Variants in MAPK13 observed in about 807,000 individuals in gnomAD.
MAPK13 encodes mitogen-activated protein kinase 13.
Under a neutral mutation model 53.5 loss-of-function variants are expected in MAPK13, and 39 were observed. The observed-to-expected ratio is 0.73, with a 90% confidence interval of 0.56 to 0.95. The LOEUF (loss-of-function observed/expected upper bound fraction) is 0.95, where lower values mean the gene tolerates loss of function less well. Among genes scored for constraint, MAPK13 ranks in the 40% least tolerant of loss-of-function variants. MAPK13 has a pLI of 0.00. For missense variants in MAPK13, 460 were observed against 471.8 expected (o/e 0.98, Z 0.23); for synonymous variants, 179 against 190.9 (o/e 0.94, Z 0.51).
At chr6:36,131,229 CAGG>C (rs1467074575) in intron 1 of MAPK13, 39 bp from the exon 2 acceptor site, 9 of 1,594,622 alleles carry the variant, frequency 5.6e-6, no homozygotes, top group Non-Finnish European at 6.8e-6. Flanking sequence ...AGATACGGCC[CAGG>C]AGGAGAGCCT....
At position 36,141,897 on chromosome 6, in the gene MAPK13, A is replaced by C. The variant is rs1456311545; in HGVS notation, c.*2524A>C. ...CTCCCACAGAATGGCCCTGCTGTCA[A>C]GGAGCTGGGGAGTCCTTGACTGGGA... On this transcript the variant is annotated 3_prime_UTR_variant, in exon 12 of 12. Transcript: ENST00000211287. The C allele has an allele frequency of 6.6e-6, 1 of 152,200 alleles. No individual in the cohort carries two copies. The highest frequency in any genetic ancestry group is 1.5e-5 in the Non-Finnish European group (1 of 68,078). The allele number at this position is 152,200 out of a possible 1,614,324, so 9.4% of individuals were successfully genotyped here.
chr6:36,137,189 G>A (rs535575596), intron 8 of MAPK13, among the ~76,000 whole-genome samples: 1 of 152,034 alleles, frequency 6.6e-6, no homozygotes, highest in Non-Finnish European at 1.5e-5. Context: ...TGGCAACATA[G>A]GGAGACCCCA....
Position 36,138,407 on chromosome 6 carries a change from CT to C in MAPK13, c.726del (p.Gly243AlafsTer8). On this transcript the variant is annotated frameshift_variant, in exon 9 of 12. Coordinates refer to ENST00000211287, the MANE Select transcript of MAPK13 (RefSeq NM_002754.5). LOFTEE classifies it high-confidence loss of function. The stretch of plus-strand genomic sequence containing the variant: ...CAGATCCTGAAAGTGACCGGGGTGC[CT>C]GGCACGGAGTTTGTGCAGAAGCTGA... ...LTQILKVTGVPGTEFVQKLND... is the reference protein window; with the variant it reads ...LTQILKVTGVXGTEFVQKLND... The C allele has an allele frequency of 6.2e-7, 1 of 1,614,088 alleles. No individual in the cohort carries two copies. Among genetic ancestry groups the C allele is most frequent in the African/African-American group, 1.3e-5 (1 of 75,034 alleles).
At position 36,131,294 on chromosome 6, in the gene MAPK13, G is replaced by A. The variant is rs1420330282; in HGVS notation, c.143G>A (p.Gly48Glu). Reference protein sequence around the residue: ...SVCSAIDKRSGEKVAIKKLSR... With the variant: ...SVCSAIDKRSEEKVAIKKLSR... ...AGCTCGGCCATCGACAAGCGGTCAG[G>A]GGAGAAGGTGGCCATCAAGAAGCTG... Residue 48 changes from glycine to glutamate, a missense_variant, in exon 2 of 12, where the codon GGG (glycine) becomes GAG (glutamate). Gly to Glu is a moderately conservative substitution (Grantham distance 98). Transcript: ENST00000211287. 1.2e-6 allele frequency: 2 copies of A among 1,613,606 alleles called. No homozygotes were observed. The highest frequency in any genetic ancestry group is 1.7e-6 in the Non-Finnish European group (2 of 1,179,852).
At chr6:36,132,109 CCTT>C (rs1439536733) in intron 2 of MAPK13, among the ~76,000 whole-genome samples, 4 of 152,258 alleles carry the variant, frequency 2.6e-5, no homozygotes, top group Non-Finnish European at 4.4e-5. Context: ...TTAAGCCCAT[CCTT>C]CTCCAGCAAA....
chr6:36,138,299 G>C lies in MAPK13; in HGVS notation c.683-66G>C, dbSNP rs894636022. 33 of 1,213,302 alleles carry C rather than the reference G, an allele frequency of 2.7e-5. No individual in the cohort carries two copies. In the African/African-American group the frequency reaches 4.9e-4, roughly 18 times the overall value. The allele number at this position is 1,213,302 out of a possible 1,614,324, so 75.2% of individuals were successfully genotyped here. A position where few individuals can be genotyped will look rare whatever the true frequency, so the allele number is the denominator to read the frequency against. On this transcript the variant is annotated intron_variant, in intron 8 of 11. Coordinates refer to ENST00000211287, the MANE Select transcript of MAPK13 (RefSeq NM_002754.5). ...ATGGTGCCCGGGTGAAGTGATGGTGGGGTCGCAGGAAGGGCAGTCTCAGAC... is the reference window on the plus strand; with the variant it reads ...ATGGTGCCCGGGTGAAGTGATGGTGCGGTCGCAGGAAGGGCAGTCTCAGAC...
Position 36,131,709 on chromosome 6 carries a change from C to A in MAPK13, c.249+309C>A, listed in dbSNP as rs754880649. On this transcript the variant is annotated intron_variant, in intron 2 of 11. Coordinates refer to ENST00000211287, the MANE Select transcript of MAPK13 (RefSeq NM_002754.5). ...TCTGAGAGCTTGTGGCCAGCTGGGA[C>A]TAGAATCCTAGTTAGCGTTGTGTCC... 2.4e-4 allele frequency among the ~76,000 whole-genome samples: 37 copies of A among 152,332 alleles called. 1 individual carries two copies. The highest frequency in any genetic ancestry group is 6.8e-3 in the Middle Eastern group (2 of 294).
chr6:36,131,226 G>C, intron 1 of MAPK13, 45 bp from the exon 2 acceptor site: 1 of 1,592,208 alleles, frequency 6.3e-7, no homozygotes, highest in Non-Finnish European at 8.6e-7. Context: ...GGGAGATACG[G>C]CCCAGGAGGA....
rs1766540137 is a variant in MAPK13, at chr6:36,141,948, C to T, written c.*2575C>T. 6.6e-6 allele frequency: 1 copy of T among 152,330 alleles called. No homozygotes were observed. Among genetic ancestry groups the T allele is most frequent in the African/African-American group, 2.4e-5 (1 of 41,426 alleles). 9.4% of individuals were successfully genotyped at this position (152,330 alleles called of 1,614,324 possible). ...CTGGCTAGTCTTGCCACAGCCCTGGCCTCGCTGGTTACTAAAACTGCCCCA... is the reference window on the plus strand; with the variant it reads ...CTGGCTAGTCTTGCCACAGCCCTGGTCTCGCTGGTTACTAAAACTGCCCCA... On this transcript the variant is annotated 3_prime_UTR_variant, in exon 12 of 12. Transcript: ENST00000211287.
At chr6:36,132,571 G>A (rs1238070418) in intron 2 of MAPK13, 50 bp from the exon 3 acceptor site, 1 of 1,558,730 alleles carries the variant, frequency 6.4e-7, no homozygotes, top group South Asian at 1.1e-5. Context: ...GGAGGAGGTG[G>A]GAGGAGAAGG....
chr6:36,130,725 G>GGCGGGGT lies in MAPK13; in HGVS notation c.119+30_119+31insTGCGGGG. The GGCGGGGT allele has an allele frequency of 8.6e-7, 1 of 1,162,614 alleles. No individual in the cohort carries two copies. The highest frequency in any genetic ancestry group is 2.3e-5 in the Admixed American group (1 of 43,898). The allele number at this position is 1,162,614 out of a possible 1,614,324, so 72.0% of individuals were successfully genotyped here. ...TGGTGAGACCCCTGGGCCGCTGGGGGGCGGGGGGCGGGCGCCAGGCTCTCC... is the reference window on the plus strand; with the variant it reads ...TGGTGAGACCCCTGGGCCGCTGGGGGGCGGGGTGCGGGGGGCGGGCGCCAGGCTCTCC... On this transcript the variant is annotated intron_variant, in intron 1 of 11. Transcript: ENST00000211287. The surrounding 1 kb of genome is among the most constrained non-coding windows in gnomAD (Gnocchi z 4.5).
At chr6:36,132,539 C>A in intron 2 of MAPK13, 82 bp from the exon 3 acceptor site, 1 of 1,265,930 alleles carries the variant, frequency 7.9e-7, no homozygotes, top group Non-Finnish European at 1.2e-6. Flanking sequence ...GGGTGGATGG[C>A]CCTGTGCATG....
In MAPK13 at chr6:36,143,157, C is replaced by T. The variant is rs1328244729; in HGVS notation, c.*3784C>T. On this transcript the variant is annotated 3_prime_UTR_variant, in exon 12 of 12. Transcript: ENST00000211287. The stretch of plus-strand genomic sequence containing the variant: ...TAAGAGCAAGTGTACCCTCCATTCC[C>T]TCTTTTGAGGAACAAAGAGTATCTT... 1 of 152,210 alleles carries T rather than the reference C, an allele frequency of 6.6e-6. No homozygotes were observed. Among genetic ancestry groups the T allele is most frequent in the Non-Finnish European group, 1.5e-5 (1 of 68,068 alleles). 9.4% of individuals were successfully genotyped at this position (152,210 alleles called of 1,614,324 possible). A position where few individuals can be genotyped will look rare whatever the true frequency, so the allele number is the denominator to read the frequency against.
Position 36,144,406 on chromosome 6 carries a change from G to A in MAPK13, c.*5033G>A, listed in dbSNP as rs559894606. On this transcript the variant is annotated 3_prime_UTR_variant, in exon 12 of 12. Coordinates refer to ENST00000211287, the MANE Select transcript of MAPK13 (RefSeq NM_002754.5). ...TAGATACCTGTGGCAAACTGTAAAG[G>A]GATATGAAAAACTCTGTAATTTCTA... 2.0e-5 allele frequency: 3 copies of A among 152,070 alleles called. No individual in the cohort carries two copies. Among genetic ancestry groups the A allele is most frequent in the Middle Eastern group, 3.4e-3 (1 of 294 alleles). 9.4% of individuals were successfully genotyped at this position (152,070 alleles called of 1,614,324 possible). A position where few individuals can be genotyped will look rare whatever the true frequency, so the allele number is the denominator to read the frequency against.
At chr6:36,134,842 C>A (rs535976661) in intron 3 of MAPK13, among the ~76,000 whole-genome samples, 6 of 152,108 alleles carry the variant, frequency 3.9e-5, no homozygotes, top group Non-Finnish European at 7.4e-5. Context: ...GGCAAAACCC[C>A]GTCTCTACTA....
chr6:36,136,545 A>G lies in MAPK13; in HGVS notation c.495+14A>G, dbSNP rs1766420519. On this transcript the variant is annotated intron_variant, in intron 6 of 11. Transcript: ENST00000211287. ...TGTGAACTGAAGGTGAGTGGGCTGC[A>G]GGCTCAGCCCAGAGGCGGGATAGGC... The G allele has an allele frequency of 1.2e-6, 2 of 1,601,266 alleles. No homozygotes were observed. The highest frequency in any genetic ancestry group is 1.3e-5 in the African/African-American group (1 of 74,636).
At chr6:36,131,475 C>G in intron 2 of MAPK13, 75 bp downstream of exon 2, 2 of 1,448,320 alleles carry the variant, frequency 1.4e-6, no homozygotes, top group South Asian at 1.3e-5. Context: ...CGGGGCCTCC[C>G]GGTATGGAGA....
chr6:36,130,735 G>GGGGGGCT lies in MAPK13; in HGVS notation c.119+36_119+37insGGGCTGG, dbSNP rs758340632. On this transcript the variant is annotated intron_variant, in intron 1 of 11. Coordinates refer to ENST00000211287, the MANE Select transcript of MAPK13 (RefSeq NM_002754.5). This position sits in a 1 kb window ranked among gnomAD's most constrained non-coding sequence, Gnocchi z 4.5. Reference sequence around the variant, plus strand: ...CCTGGGCCGCTGGGGGGCGGGGGGCGGGCGCCAGGCTCTCCCCTTTCCGCC... The same window carrying GGGGGGCT: ...CCTGGGCCGCTGGGGGGCGGGGGGCGGGGGGCTGGCGCCAGGCTCTCCCCTTTCCGCC... 1 of 1,087,616 alleles carries GGGGGGCT rather than the reference G, an allele frequency of 9.2e-7. No homozygotes were observed. The highest frequency in any genetic ancestry group is 1.3e-6 in the Non-Finnish European group (1 of 757,874). 67.4% of individuals were successfully genotyped at this position (1,087,616 alleles called of 1,614,324 possible).
chr6:36,133,953 G>A (rs952932915), intron 3 of MAPK13, among the ~76,000 whole-genome samples: 10 of 152,120 alleles, frequency 6.6e-5, no homozygotes, highest in African/African-American at 2.2e-4. Flanking sequence ...TGTGTTTGTC[G>A]GGTGTTCACT....
Sources: allele counts gnomAD v4.1 joint callset (sites outside exome capture counted in the v4.1 genomes callset), GRCh38; gene constraint gnomAD v4.1.1; non-coding constraint Gnocchi (gnomAD v3.1); transcripts MANE v1.5; gene names NCBI Gene and HGNC (gene_info 2026-07-23, HGNC 2026-07-21).